Variants in IL5RA observed in about 807,000 individuals in gnomAD.
IL5RA encodes interleukin 5 receptor subunit alpha.
A neutral mutation model predicts 50.0 loss-of-function variants in IL5RA; 49 were observed. That is an observed-to-expected ratio of 0.98 (90% CI 0.78 to 1.24). IL5RA has a LOEUF of 1.24. Among genes scored for constraint, IL5RA ranks in the 50% most tolerant of loss-of-function variants. The pLI is 0.00. For synonymous variants in IL5RA, 202 were observed against 174.0 expected, an observed-to-expected ratio of 1.16 and a Z score of -1.26; for missense variants, 600 against 500.4, an observed-to-expected ratio of 1.20 and a Z score of -1.90.
intron 9 of IL5RA, among the ~76,000 whole-genome samples, chr3:3,081,576 C>T (rs534061883): frequency 6.6e-6 from 1 of 152,344 alleles, no homozygotes; most frequent in South Asian, 2.1e-4. Flanking sequence ...TGGGTCTCAA[C>T]TTGTGCAATA....
At chr3:3,078,708 C>T (rs561432087) in intron 9 of IL5RA, among the ~76,000 whole-genome samples, 5 of 152,182 alleles carry the variant, frequency 3.3e-5, no homozygotes, top group African/African-American at 9.6e-5. Context: ...CTGGCTCATG[C>T]TTGTAGTCCC....
chr3:3,073,312 G>C (rs1702363278), intron 11 of IL5RA, among the ~76,000 whole-genome samples: 1 of 152,102 alleles, frequency 6.6e-6, no homozygotes, highest in Admixed American at 6.5e-5. Flanking sequence ...CTTCATTTGA[G>C]AGAAACCTAA....
intron 7 of IL5RA, among the ~76,000 whole-genome samples, chr3:3,097,485 C>A (rs17879449): frequency 6.6e-6 from 1 of 152,150 alleles, no homozygotes; most frequent in South Asian, 2.1e-4. Context: ...CTCTTTTAAG[C>A]AGCTAAATTC....
Position 3,074,848 on chromosome 3 carries a change from C to G in IL5RA, c.1110G>C (p.Lys370Asn). 1 of 1,607,496 alleles carries G rather than the reference C, an allele frequency of 6.2e-7. No individual in the cohort carries two copies. Among genetic ancestry groups the G allele is most frequent in the Non-Finnish European group, 8.5e-7 (1 of 1,173,964 alleles). Residue 370 changes from lysine to asparagine, a missense_variant, in exon 11 of 12, where the codon AAG becomes AAC. Lys to Asn is a moderately conservative substitution (Grantham distance 94). Coordinates refer to ENST00000446632, the MANE Select transcript of IL5RA (RefSeq NM_175726.4). ...TTGGTGCTGGAATTGGTGGAAACAA[C>G]TTGATCCATAAATGACATCTGAAAA... is the stretch of plus-strand genomic sequence containing the variant. ...LICKICHLWI[K>N]LFPPIPAPKS... is the part of the protein sequence containing the mutation.
chr3:3,086,464 A>G (rs1021502971), intron 9 of IL5RA, among the ~76,000 whole-genome samples: 1 of 152,148 alleles, frequency 6.6e-6, no homozygotes, highest in Non-Finnish European at 1.5e-5. Flanking sequence ...AAAAATTGGG[A>G]AGTTAGCTCT....
At chr3:3,093,317 C>A (rs1197861071) in intron 8 of IL5RA, among the ~76,000 whole-genome samples, 1 of 152,172 alleles carries the variant, frequency 6.6e-6, no homozygotes, top group African/African-American at 2.4e-5. Context: ...TAGGCTGGTG[C>A]AAGTCAGGAA....
At chr3:3,091,145 G>A (rs896554528) in intron 9 of IL5RA, among the ~76,000 whole-genome samples, 7 of 152,144 alleles carry the variant, frequency 4.6e-5, no homozygotes, top group African/African-American at 1.7e-4. Context: ...TATCTGCTAG[G>A]CTGAAGGCTC....
At position 3,070,003 on chromosome 3, in the gene IL5RA, A is replaced by G. The variant is rs2125945943; in HGVS notation, c.*222T>C. On this transcript the variant is annotated 3_prime_UTR_variant, in exon 12 of 12. Transcript: ENST00000446632. ...GCATGGGGAGAAAAAACATGGCAAA[A>G]TGCTTGGATGAGTCAACTTCCCTGC... 1 of 464,366 alleles carries G rather than the reference A, an allele frequency of 2.2e-6. No individual in the cohort carries two copies. The highest frequency in any genetic ancestry group is 3.9e-6 in the Non-Finnish European group (1 of 258,722). The allele number at this position is 464,366 out of a possible 1,614,324, so 28.8% of individuals were successfully genotyped here.
Position 3,066,420 on chromosome 3 carries a change from GTACAA to G in IL5RA, c.*3800_*3804del, listed in dbSNP as rs939206697. 1 of 152,110 alleles carries G rather than the reference GTACAA, an allele frequency of 6.6e-6. No individual in the cohort carries two copies. The highest frequency in any genetic ancestry group is 1.5e-5 in the Non-Finnish European group (1 of 68,022). The allele number at this position is 152,110 out of a possible 1,614,324, so 9.4% of individuals were successfully genotyped here. On this transcript the variant is annotated 3_prime_UTR_variant, in exon 12 of 12. Coordinates refer to ENST00000446632, the MANE Select transcript of IL5RA (RefSeq NM_175726.4). ...AGGAGATAAGCATGATTGTCTTATAGTACAATACAAAATTCCAAAGGAAGGAATGG... is the reference window on the plus strand; with the variant it reads ...AGGAGATAAGCATGATTGTCTTATAGTACAAAATTCCAAAGGAAGGAATGG...
rs545187949 is a variant in IL5RA, at chr3:3,092,859, C to G, written c.856-497G>C. 6.6e-6 allele frequency among the ~76,000 whole-genome samples: 1 copy of G among 152,172 alleles called. No homozygotes were observed. Among genetic ancestry groups the G allele is most frequent in the Non-Finnish European group, 1.5e-5 (1 of 68,020 alleles). On this transcript the variant is annotated intron_variant, in intron 8 of 11. Coordinates refer to ENST00000446632, the MANE Select transcript of IL5RA (RefSeq NM_175726.4). This position sits in a 1 kb window ranked among gnomAD's most constrained non-coding sequence, Gnocchi z 4.2. ...CTGTACCAGAGATGTGCTCCTGACA[C>G]CTGTATCTTGAATACCCCCGGAGGT...
rs781280822 is a variant in IL5RA, at chr3:3,101,690, AC to A, written c.367+1del. 6.2e-7 allele frequency: 1 copy of A among 1,612,412 alleles called. No individual in the cohort carries two copies. Among genetic ancestry groups the A allele is most frequent in the African/African-American group, 1.3e-5 (1 of 74,822 alleles). On this transcript the variant is annotated splice_donor_variant, in intron 5 of 11. Transcript: ENST00000446632. LOFTEE classifies it high-confidence loss of function. ...AACTGGACTTTTGGAGGCCTGCTTT[AC>A]CTGGTGGGGCATGAAGTTCAGCAGA...
At chr3:3,075,686 CAACT>C (rs1702453999) in intron 10 of IL5RA, among the ~76,000 whole-genome samples, 1 of 151,868 alleles carries the variant, frequency 6.6e-6, no homozygotes, top group Non-Finnish European at 1.5e-5. Context: ...CTATAGCCTC[CAACT>C]CCCAGGTTCA....
At chr3:3,093,890 C>T (rs1186770731) in intron 8 of IL5RA, among the ~76,000 whole-genome samples, 1 of 152,148 alleles carries the variant, frequency 6.6e-6, no homozygotes, top group African/African-American at 2.4e-5. Flanking sequence ...AGTTGGAATC[C>T]TATTTTTTTT....
In IL5RA at chr3:3,068,650, C is replaced by T. The variant is rs190035781; in HGVS notation, c.*1575G>A. 2 of 144,274 alleles carry T rather than the reference C, an allele frequency of 1.4e-5. No homozygotes were observed. The highest frequency in any genetic ancestry group is 6.8e-5 in the Admixed American group (1 of 14,602). The allele number at this position is 144,274 out of a possible 1,614,324, so 8.9% of individuals were successfully genotyped here. On this transcript the variant is annotated 3_prime_UTR_variant, in exon 12 of 12. Coordinates refer to ENST00000446632, the MANE Select transcript of IL5RA (RefSeq NM_175726.4). ...ATTATGAATCATTTGAGTGACCAAACATTTTAAACATTTTGCCAACTATTG... is the reference window on the plus strand; with the variant it reads ...ATTATGAATCATTTGAGTGACCAAATATTTTAAACATTTTGCCAACTATTG...
At chr3:3,070,483 A>G (rs1055470673) in intron 11 of IL5RA, among the ~76,000 whole-genome samples, 172 bp from the exon 12 acceptor site, 2 of 151,064 alleles carry the variant, frequency 1.3e-5, no homozygotes, top group East Asian at 1.9e-4. Context: ...CCATACATCT[A>G]TCTCCCAAAC....
At chr3:3,084,738 G>T (rs1019634100) in intron 9 of IL5RA, among the ~76,000 whole-genome samples, 1 of 152,228 alleles carries the variant, frequency 6.6e-6, no homozygotes. Context: ...TTCCAAACCC[G>T]GATGTCCCAC....
intron 9 of IL5RA, among the ~76,000 whole-genome samples, chr3:3,090,728 G>T (rs576626437): frequency 6.6e-6 from 1 of 151,606 alleles, no homozygotes; most frequent in Non-Finnish European, 1.5e-5. Flanking sequence ...CACCACGCCC[G>T]GCTAATTTTT....
chr3:3,098,700 C>T (rs976595257), intron 5 of IL5RA, among the ~76,000 whole-genome samples: 18 of 152,206 alleles, frequency 1.2e-4, no homozygotes, highest in East Asian at 3.9e-4. Flanking sequence ...CCACCATGCC[C>T]GGCCATGATC....
At chr3:3,105,950 T>C (rs1395939602) in intron 2 of IL5RA, among the ~76,000 whole-genome samples, 2 of 152,226 alleles carry the variant, frequency 1.3e-5, no homozygotes, top group African/African-American at 4.8e-5. Context: ...CCCCCTGTGT[T>C]GTCCTCACTT....
Sources: gnomAD v4.1 joint callset for allele counts (sites outside exome capture counted in the v4.1 genomes callset) on GRCh38, gnomAD v4.1.1 for gene constraint, Gnocchi (gnomAD v3.1) non-coding constraint, MANE v1.5 for transcripts, NCBI Gene and HGNC (gene_info 2026-07-23, HGNC 2026-07-21) for gene names.